Variants in ADAD1 observed in about 807,000 individuals in gnomAD.
The protein encoded by ADAD1 is adenosine deaminase domain containing 1.
ADAD1 carries 46 observed loss-of-function variants against 66.8 expected under a neutral mutation model. The observed-to-expected ratio is 0.69, with a 90% CI of 0.54 to 0.88. The LOEUF (loss-of-function observed/expected upper bound fraction) is 0.88, where lower values mean the gene tolerates loss of function less well. Among genes scored for constraint, ADAD1 ranks in the 40% least tolerant of loss-of-function variants. The pLI is 0.00. For synonymous variants in ADAD1, 248 were observed against 229.4 expected (o/e 1.08, Z -0.73); for missense variants, 617 against 681.8 (o/e 0.91, Z 1.06).
chr4:122,380,433 T>C (rs931023587), intron 3 of ADAD1, 192 bp downstream of exon 3: 1 of 644,980 alleles, frequency 1.6e-6, no homozygotes, highest in African/African-American at 1.8e-5. Context: ...GCCGCTCGTT[T>C]AACCATCTGT....
At chr4:122,382,356 T>C (rs1169427913) in intron 4 of ADAD1, among the ~76,000 whole-genome samples, 1 of 152,240 alleles carries the variant, frequency 6.6e-6, no homozygotes, top group East Asian at 1.9e-4. Flanking sequence ...ATGTGTGATT[T>C]AGATTTACAC....
intron 8 of ADAD1, among the ~76,000 whole-genome samples, chr4:122,410,723 C>T (rs1315697092): frequency 1.3e-5 from 2 of 152,168 alleles, no homozygotes; most frequent in Admixed American, 1.3e-4. Flanking sequence ...TTTCTTAATA[C>T]AGCTTCTGGT....
At chr4:122,395,341 G>A (rs949716770) in intron 6 of ADAD1, among the ~76,000 whole-genome samples, 4 of 151,856 alleles carry the variant, frequency 2.6e-5, no homozygotes, top group African/African-American at 7.2e-5. Flanking sequence ...GTAAGCCACC[G>A]CGCCCAGCCT....
intron 11 of ADAD1, among the ~76,000 whole-genome samples, chr4:122,419,147 G>A (rs1225444245): frequency 1.3e-5 from 2 of 152,162 alleles, no homozygotes; most frequent in East Asian, 3.8e-4. Context: ...ATCAATGATG[G>A]ACTGGATAAA....
At chr4:122,411,194 C>T (rs1251065924) in intron 8 of ADAD1, 28 bp from the exon 9 acceptor site, 1 of 1,526,476 alleles carries the variant, frequency 6.6e-7, no homozygotes. Flanking sequence ...AAGTTTATTA[C>T]TTGACAAAAT....
chr4:122,410,353 A>G (rs1345773191), intron 8 of ADAD1, among the ~76,000 whole-genome samples: 2 of 151,966 alleles, frequency 1.3e-5, no homozygotes, highest in Non-Finnish European at 2.9e-5. Flanking sequence ...AATTTTTACT[A>G]TATATTTTTG....
chr4:122,417,957 A>G (rs1219134516), intron 11 of ADAD1, among the ~76,000 whole-genome samples: 2 of 152,242 alleles, frequency 1.3e-5, no homozygotes, highest in Admixed American at 1.3e-4. Context: ...AAAATATTAC[A>G]TATCAGAACT....
chr4:122,380,507 A>G (rs1283485772), intron 3 of ADAD1: 2 of 444,430 alleles, frequency 4.5e-6, no homozygotes, highest in Non-Finnish European at 8.0e-6. Context: ...GTGAGGCGCA[A>G]GGGAAGATAC....
rs763237947 is a variant in ADAD1 at position 122,383,758 on chromosome 4, A to G, written c.362-41A>G. ...TACATACATTGTTTGCAAGAATATA[A>G]TAAAAATTATTGTAGCATTCATTCT... is the stretch of plus-strand genomic sequence containing the variant. On this transcript the variant is annotated intron_variant, in intron 4 of 12. Transcript: ENST00000296513. 7 of 1,544,164 alleles carry G rather than the reference A, an allele frequency of 4.5e-6. No individual in the cohort carries two copies. In the Admixed American group the frequency reaches 1.1e-4, roughly 23 times the overall value.
intron 7 of ADAD1, among the ~76,000 whole-genome samples, chr4:122,398,674 C>G (rs1252653148): frequency 6.6e-6 from 1 of 151,994 alleles, no homozygotes; most frequent in Non-Finnish European, 1.5e-5. Context: ...GCCAGTCTTG[C>G]AGGAGTAAGG....
intron 12 of ADAD1, among the ~76,000 whole-genome samples, chr4:122,426,679 T>A (rs1797250576): frequency 1.3e-5 from 2 of 152,226 alleles, no homozygotes; most frequent in Non-Finnish European, 2.9e-5. Context: ...TGATTTGAGA[T>A]CAGAAAATTA....
intron 8 of ADAD1, among the ~76,000 whole-genome samples, chr4:122,409,902 G>T (rs1345124436): frequency 1.3e-5 from 2 of 152,004 alleles, no homozygotes; most frequent in Admixed American, 6.6e-5. Flanking sequence ...TGCTGGTCTT[G>T]ACCTCCTGAC....
At chr4:122,388,832 AT>A (rs970397397) in intron 5 of ADAD1, among the ~76,000 whole-genome samples, 12 of 151,448 alleles carry the variant, frequency 7.9e-5, no homozygotes, top group African/African-American at 2.4e-4. Flanking sequence ...TCTGGATTCG[AT>A]TTTTTTTGGA....
chr4:122,380,231 G>C lies in ADAD1; in HGVS notation c.162G>C (p.Thr54=). Residue 54 remains threonine (T), a synonymous_variant, in exon 3 of 13, where the codon ACG becomes ACC. Transcript: ENST00000296513. The part of the protein sequence containing the change: ...YGLSKMASKV[T]QVTGNFPEPL... The stretch of plus-strand genomic sequence containing the variant: ...TGTCCAAGATGGCATCCAAGGTTAC[G>C]CAAGTAACGGGTACGACTTTTTTCA... 1 of 1,607,584 alleles carries C rather than the reference G, an allele frequency of 6.2e-7. No homozygotes were observed. The highest frequency in any genetic ancestry group is 8.5e-7 in the Non-Finnish European group (1 of 1,178,258).
chr4:122,421,961 A>C (rs1434221081), intron 12 of ADAD1, among the ~76,000 whole-genome samples: 2 of 152,052 alleles, frequency 1.3e-5, no homozygotes, highest in Non-Finnish European at 2.9e-5. Flanking sequence ...AATTCCACTT[A>C]CTATTCAAAG....
intron 12 of ADAD1, among the ~76,000 whole-genome samples, chr4:122,422,638 C>T (rs1348738272): frequency 6.6e-6 from 1 of 152,008 alleles, no homozygotes; most frequent in South Asian, 2.1e-4. Flanking sequence ...AGTATAAAAG[C>T]TTTTCTAGAC....
intron 5 of ADAD1, among the ~76,000 whole-genome samples, chr4:122,390,862 A>G (rs553138136): frequency 9.2e-5 from 14 of 152,196 alleles, no homozygotes; most frequent in African/African-American, 2.9e-4. Context: ...ACTTCTGTCA[A>G]TTTGTCCATG....
At chr4:122,382,852 T>C (rs1794970842) in intron 4 of ADAD1, among the ~76,000 whole-genome samples, 1 of 152,182 alleles carries the variant, frequency 6.6e-6, no homozygotes, top group African/African-American at 2.4e-5. Context: ...TCTGAGATGT[T>C]ATGGGGAAAG....
chr4:122,425,996 A>G (rs1797216567), intron 12 of ADAD1, among the ~76,000 whole-genome samples: 1 of 152,244 alleles, frequency 6.6e-6, no homozygotes, highest in East Asian at 1.9e-4. Flanking sequence ...GAAATAATGA[A>G]ATGTAATGAA....
Sources: gnomAD v4.1 joint callset for allele counts (sites outside exome capture counted in the v4.1 genomes callset) on GRCh38, gnomAD v4.1.1 for gene constraint, MANE v1.5 for transcripts, NCBI Gene and HGNC (gene_info 2026-07-23, HGNC 2026-07-21) for gene names.